Variants in ROBO2 observed in about 807,000 individuals in gnomAD.
ROBO2 encodes the protein roundabout guidance receptor 2.
ROBO2 carries 53 observed loss-of-function variants against 160.8 expected under a neutral mutation model. The observed-to-expected ratio is 0.33, with a 90% CI of 0.26 to 0.41. The LOEUF (loss-of-function observed/expected upper bound fraction) is 0.41. Ranked by LOEUF, ROBO2 falls within the 10% of genes least tolerant of loss-of-function variation. The pLI is 1.00. For synonymous variants in ROBO2, 664 were observed against 611.7 expected (o/e 1.09, Z -1.26); for missense variants, 1,577 against 1,722.4 (o/e 0.92, Z 1.49).
chr3:76,802,852 T>C (rs2108874418), intron 2 of ROBO2, among the ~76,000 whole-genome samples: 1 of 152,320 alleles, frequency 6.6e-6, no homozygotes, highest in East Asian at 1.9e-4. Context: ...TTTAGCTTAG[T>C]AAATATTTAG....
At chr3:77,436,478 T>C (rs1053616501) in intron 2 of ROBO2, among the ~76,000 whole-genome samples, 3 of 151,866 alleles carry the variant, frequency 2.0e-5, no homozygotes, top group South Asian at 2.1e-4. Context: ...TTTTATTTTC[T>C]TGGGCTTGTT....
chr3:76,944,892 T>C (rs2078420101), intron 2 of ROBO2, among the ~76,000 whole-genome samples: 1 of 151,798 alleles, frequency 6.6e-6, no homozygotes, highest in Admixed American at 6.6e-5. Flanking sequence ...GGTGCTGTGA[T>C]GGCTTTTTTT....
intron 2 of ROBO2, among the ~76,000 whole-genome samples, chr3:75,980,240 T>C (rs1035080136): frequency 6.6e-6 from 1 of 151,544 alleles, no homozygotes; most frequent in African/African-American, 2.4e-5. Flanking sequence ...TTAGAGTATG[T>C]GGAACATGAG....
chr3:77,611,409 T>C (rs1271131463), intron 21 of ROBO2, among the ~76,000 whole-genome samples: 1 of 151,872 alleles, frequency 6.6e-6, no homozygotes, highest in Admixed American at 6.6e-5. Flanking sequence ...TGAGTACAGA[T>C]GATGGATTGG....
chr3:76,781,424 G>T (rs1277899659), intron 2 of ROBO2, among the ~76,000 whole-genome samples: 1 of 150,546 alleles, frequency 6.6e-6, no homozygotes, highest in Non-Finnish European at 1.5e-5. Flanking sequence ...AATTGTTCTG[G>T]CTAGAACTTC....
chr3:76,407,443 C>A (rs1478899618), intron 2 of ROBO2, among the ~76,000 whole-genome samples: 21 of 151,940 alleles, frequency 1.4e-4, no homozygotes, highest in Non-Finnish European at 2.8e-4. Flanking sequence ...AGACAGTTGT[C>A]TGATAGACAC....
intron 2 of ROBO2, among the ~76,000 whole-genome samples, chr3:76,417,021 C>T (rs2075784281): frequency 6.6e-6 from 1 of 152,174 alleles, no homozygotes; most frequent in African/African-American, 2.4e-5. Flanking sequence ...TAGAATCTAT[C>T]CTGCTGTGCT....
At chr3:77,602,573 T>G in intron 20 of ROBO2, 82 bp downstream of exon 21, 1 of 1,514,686 alleles carries the variant, frequency 6.6e-7, no homozygotes, top group Non-Finnish European at 9.1e-7. Context: ...TTGTTTGACT[T>G]AGTGATTCAT....
chr3:76,392,247 T>C (rs1348994384), intron 2 of ROBO2, among the ~76,000 whole-genome samples: 1 of 152,108 alleles, frequency 6.6e-6, no homozygotes, highest in Non-Finnish European at 1.5e-5. Context: ...TAAAGTAGGA[T>C]TATTTGGATA....
chr3:76,649,671 A>T (rs985172742), intron 2 of ROBO2, among the ~76,000 whole-genome samples: 2 of 152,210 alleles, frequency 1.3e-5, no homozygotes, highest in Non-Finnish European at 2.9e-5. Flanking sequence ...AATATAAGTT[A>T]CTTGAGAAAT....
intron 20 of ROBO2, among the ~76,000 whole-genome samples, chr3:77,604,841 CA>C (rs2094495396): frequency 6.6e-6 from 1 of 152,026 alleles, no homozygotes; most frequent in Non-Finnish European, 1.5e-5. Flanking sequence ...AAAATAATCA[CA>C]GTGATAAAAG....
chr3:76,520,450 C>CA (rs1200543680), intron 2 of ROBO2, among the ~76,000 whole-genome samples: 1 of 151,690 alleles, frequency 6.6e-6, no homozygotes, highest in Admixed American at 6.6e-5. Flanking sequence ...GACTCCATCT[C>CA]AAAAAAAATT....
At chr3:77,150,486 T>C (rs2077461173) in intron 2 of ROBO2, among the ~76,000 whole-genome samples, 1 of 152,224 alleles carries the variant, frequency 6.6e-6, no homozygotes, top group Non-Finnish European at 1.5e-5. Context: ...CCTCTGAAAG[T>C]TAGCACAAAC....
At chr3:77,425,764 C>T (rs951655192) in intron 2 of ROBO2, among the ~76,000 whole-genome samples, 10 of 151,418 alleles carry the variant, frequency 6.6e-5, no homozygotes, top group African/African-American at 1.9e-4. Flanking sequence ...CCTGGGTTCA[C>T]GCCATTCTCC....
At position 77,330,421 on chromosome 3, in the gene ROBO2, C is replaced by T. The variant is rs953114356; in HGVS notation, c.389-146993C>T. On this transcript the variant is annotated intron_variant, in intron 2 of 25. Coordinates refer to ENST00000461745, the Ensembl canonical transcript of ROBO2. ...TAATCTTAGCTACTCAGGAGGCTGACGCAGGAGGATTGCTTGAATCTGGGA... is the reference window on the plus strand; with the variant it reads ...TAATCTTAGCTACTCAGGAGGCTGATGCAGGAGGATTGCTTGAATCTGGGA... Among the ~76,000 whole-genome samples, 9 of 152,222 alleles carry T rather than the reference C, an allele frequency of 5.9e-5. No homozygotes were observed. In the East Asian group the frequency reaches 1.2e-3, roughly 20 times the overall value.
In ROBO2 at chr3:76,674,932, C is replaced by T. The variant is rs546609238; in HGVS notation, c.110-423082C>T. 5.1e-4 allele frequency among the ~76,000 whole-genome samples: 77 copies of T among 151,768 alleles called. 1 individual carries two copies. The highest frequency in any genetic ancestry group is 1.8e-3 in the African/African-American group (75 of 41,412). On this transcript the variant is annotated intron_variant, in intron 2 of 26. Transcript: ENST00000487694. Reference sequence around the variant, plus strand: ...TAGGAAAAAGCAGCAAAAAAAAACCCACACATGAAAAAAAACAAACAAAAA... The same window carrying T: ...TAGGAAAAAGCAGCAAAAAAAAACCTACACATGAAAAAAAACAAACAAAAA...
chr3:77,420,280 A>G (rs1005836503), intron 2 of ROBO2, among the ~76,000 whole-genome samples: 7 of 151,962 alleles, frequency 4.6e-5, no homozygotes, highest in African/African-American at 1.7e-4. Context: ...AATCAAATAA[A>G]TATGTTTGGA....
intron 2 of ROBO2, among the ~76,000 whole-genome samples, chr3:76,263,457 A>G (rs1706897791): frequency 6.6e-6 from 1 of 152,058 alleles, no homozygotes; most frequent in African/African-American, 2.4e-5. Context: ...TTCTGGACTC[A>G]AGGAATCCTC....
At position 77,627,376 on chromosome 3, in the gene ROBO2, T is replaced by C. The variant is rs541771023; in HGVS notation, c.3760+4944T>C. ...TTCACTGCAACCTCCGCCTCCCAGA[T>C]TCAAGAGATTCTCCTGCCTCAGCCT... On this transcript the variant is annotated intron_variant, in intron 23 of 25. Transcript: ENST00000461745. Among the ~76,000 whole-genome samples, 14 of 152,264 alleles carry C rather than the reference T, an allele frequency of 9.2e-5. 1 individual carries two copies. Among genetic ancestry groups the C allele is most frequent in the African/African-American group, 2.2e-4 (9 of 41,542 alleles).
Sources: gnomAD v4.1 joint callset for allele counts (sites outside exome capture counted in the v4.1 genomes callset) on GRCh38, gnomAD v4.1.1 for gene constraint, MANE v1.5 for transcripts, NCBI Gene and HGNC (gene_info 2026-07-23, HGNC 2026-07-21) for gene names.